CBFA2T3: variants seen among roughly 807,000 people sequenced by gnomAD.
CBFA2T3 encodes the protein transcriptional corepressor CBFA2T3.
A neutral mutation model predicts 58.6 loss-of-function variants in CBFA2T3; 31 were observed. That is an observed-to-expected ratio of 0.53 (90% CI 0.40 to 0.71). The LOEUF is 0.71. CBFA2T3 is among the 30% of genes least tolerant of loss of function. CBFA2T3 has a pLI of 0.00. For missense variants in CBFA2T3, 1,076 were observed against 963.1 expected (o/e 1.12, Z -1.55); for synonymous variants, 531 against 421.9 (o/e 1.26, Z -3.17).
chr16:88,937,346 C>G (rs1971538340), intron 1 of CBFA2T3: 1 of 152,342 alleles, frequency 6.6e-6, no homozygotes, highest in East Asian at 1.9e-4. Flanking sequence ...GTGAGCCTCC[C>G]TCTGAGCTGC....
intron 1 of CBFA2T3, among the ~76,000 whole-genome samples, chr16:88,912,904 G>A (rs1303616129): frequency 6.6e-6 from 1 of 152,238 alleles, no homozygotes; most frequent in Non-Finnish European, 1.5e-5. Flanking sequence ...GGGTGCGTCT[G>A]AGGAATAAGG....
At chr16:88,898,197 C>A (rs1309796472) in intron 2 of CBFA2T3, 45 bp from the exon 3 acceptor site, 1 of 1,475,670 alleles carries the variant, frequency 6.8e-7, no homozygotes, top group Non-Finnish European at 9.4e-7. Flanking sequence ...GGGGCGTGGG[C>A]AGGAGACTCT....
chr16:88,914,338 T>C (rs114756429), intron 1 of CBFA2T3, among the ~76,000 whole-genome samples: 13 of 152,314 alleles, frequency 8.5e-5, no homozygotes, highest in African/African-American at 3.1e-4. Context: ...GTCAGGCCCA[T>C]AGCCGTGTGC....
intron 1 of CBFA2T3, among the ~76,000 whole-genome samples, chr16:88,967,697 G>A (rs1439956789): frequency 2.0e-5 from 3 of 152,168 alleles, no homozygotes; most frequent in South Asian, 2.1e-4. Context: ...CCCGCGACCT[G>A]GCTTCTCCTG....
chr16:88,881,088 A>C, intron 9 of CBFA2T3: 1 of 716,128 alleles, frequency 1.4e-6, no homozygotes, highest in South Asian at 1.5e-5. Flanking sequence ...CCCAGCTCCG[A>C]GCCTCTGGCC....
At chr16:88,888,973 T>C (rs1597673586) in intron 5 of CBFA2T3, among the ~76,000 whole-genome samples, 1 of 151,774 alleles carries the variant, frequency 6.6e-6, no homozygotes, top group East Asian at 2.0e-4. Context: ...TGACCAGACG[T>C]CATGGACAGG....
rs74033226 is a variant in CBFA2T3, at chr16:88,967,986, T to C, written c.151+8671A>G. On this transcript the variant is annotated intron_variant, in intron 1 of 11. Transcript: ENST00000268679. ...ACCATTTTCACACATGTTCAGTTTATAAACTTTTAAGCTTTCTGCATCCTT... is the reference window on the plus strand; with the variant it reads ...ACCATTTTCACACATGTTCAGTTTACAAACTTTTAAGCTTTCTGCATCCTT... 5.5e-3 allele frequency among the ~76,000 whole-genome samples: 835 copies of C among 152,398 alleles called. 8 individuals are homozygous for C. Among genetic ancestry groups the C allele is most frequent in the African/African-American group, 0.019 (806 of 41,596 alleles).
intron 1 of CBFA2T3, among the ~76,000 whole-genome samples, chr16:88,944,456 C>G (rs1971851709): frequency 6.6e-6 from 1 of 152,188 alleles, no homozygotes; most frequent in African/African-American, 2.4e-5. Flanking sequence ...CATGGAAGCC[C>G]TGGGAGACCG....
Position 88,885,777 on chromosome 16 carries a change from G to C in CBFA2T3, c.893+184C>G. The stretch of plus-strand genomic sequence containing the variant: ...GCATCTGAGTCTGCAGCCCACTGGG[G>C]TGTCCGCCCGTGCAGCCACCAAGCC... On this transcript the variant is annotated intron_variant, in intron 6 of 11. Transcript: ENST00000268679. The surrounding 1 kb of genome is among the most constrained non-coding windows in gnomAD (Gnocchi z 5.3). 3.4e-6 allele frequency: 2 copies of C among 596,554 alleles called. No individual in the cohort carries two copies. Among genetic ancestry groups the C allele is most frequent in the South Asian group, 2.0e-5 (1 of 50,264 alleles). 37.0% of individuals were successfully genotyped at this position (596,554 alleles called of 1,614,324 possible). A position where few individuals can be genotyped will look rare whatever the true frequency, so the allele number is the denominator to read the frequency against.
intron 1 of CBFA2T3, among the ~76,000 whole-genome samples, chr16:88,925,269 G>A (rs1426244076): frequency 2.0e-5 from 3 of 152,204 alleles, no homozygotes; most frequent in Admixed American, 6.5e-5. Flanking sequence ...CGGTGCAGCC[G>A]CAGCCGTGGT....
Position 88,958,056 on chromosome 16 carries a change from G to T in CBFA2T3, c.151+18601C>A, listed in dbSNP as rs543488774. Among the ~76,000 whole-genome samples the T allele has an allele frequency of 1.3e-5, 2 of 152,320 alleles. No individual in the cohort carries two copies. Among genetic ancestry groups the T allele is most frequent in the South Asian group, 4.1e-4 (2 of 4,824 alleles). On this transcript the variant is annotated intron_variant, in intron 1 of 11. Transcript: ENST00000268679. The surrounding 1 kb of genome is among the most constrained non-coding windows in gnomAD (Gnocchi z 4.0). ...AGACCCGGAACGAAAGTACCTGTGAGCTGCTCACAATCCCTCGCTCACAGA... is the reference window on the plus strand; with the variant it reads ...AGACCCGGAACGAAAGTACCTGTGATCTGCTCACAATCCCTCGCTCACAGA...
chr16:88,911,329 T>A (rs1369337280), intron 1 of CBFA2T3, among the ~76,000 whole-genome samples: 1 of 152,260 alleles, frequency 6.6e-6, no homozygotes, highest in Non-Finnish European at 1.5e-5. Context: ...CGCGCCGCTG[T>A]GTGAACTGAC....
chr16:88,894,519 A>G (rs895202284), intron 3 of CBFA2T3, among the ~76,000 whole-genome samples: 1 of 126,540 alleles, frequency 7.9e-6, no homozygotes, highest in Non-Finnish European at 1.6e-5. Flanking sequence ...GCACACACAC[A>G]TGCATACATA....
chr16:88,936,259 A>G (rs997854985), intron 1 of CBFA2T3, among the ~76,000 whole-genome samples: 7 of 152,222 alleles, frequency 4.6e-5, no homozygotes, highest in Admixed American at 1.3e-4. Flanking sequence ...GGTATCTCCC[A>G]TCCTGGTCTC....
At chr16:88,932,640 C>A (rs1481066662) in intron 1 of CBFA2T3, among the ~76,000 whole-genome samples, 2 of 150,032 alleles carry the variant, frequency 1.3e-5, no homozygotes, top group East Asian at 2.0e-4. Flanking sequence ...GAGGGAGACC[C>A]CGACTATAAG....
rs551573441 is a variant in CBFA2T3, at chr16:88,885,843, G to C, written c.893+118C>G. The C allele has an allele frequency of 9.8e-6, 9 of 918,136 alleles. No homozygotes were observed. In the Admixed American group the frequency reaches 1.7e-4, roughly 17 times the overall value. The allele number at this position is 918,136 out of a possible 1,614,324, so 56.9% of individuals were successfully genotyped here. ...ACCTCGCCACGCTCCCTCAGCCCGA[G>C]AGAGCCGGCCGGGCTGGCTGCAGCC... On this transcript the variant is annotated intron_variant, in intron 6 of 11. Transcript: ENST00000268679. This position sits in a 1 kb window ranked among gnomAD's most constrained non-coding sequence, Gnocchi z 5.3.
intron 7 of CBFA2T3, 141 bp from the exon 8 acceptor site, chr16:88,882,902 G>A (rs1969186882): frequency 1.5e-6 from 1 of 664,188 alleles, no homozygotes; most frequent in Non-Finnish European, 2.7e-6. Context: ...CGAAGGGCTG[G>A]TTGACTTGGT....
In CBFA2T3 at chr16:88,889,516, G is replaced by A. The variant is rs546122907; in HGVS notation, c.711+2366C>T. ...CCCTGTAAGTGCCCTGGGACGACCA[G>A]GGCGTTTGGAATTTGACAGACCTAG... On this transcript the variant is annotated intron_variant, in intron 5 of 11. Transcript: ENST00000268679. Among the ~76,000 whole-genome samples, 95 of 152,100 alleles carry A rather than the reference G, an allele frequency of 6.2e-4. No homozygotes were observed. The Middle Eastern group carries it at 0.024, about 38-fold the overall frequency.
intron 2 of CBFA2T3, among the ~76,000 whole-genome samples, chr16:88,901,093 CCT>C (rs1467252167): frequency 2.0e-5 from 3 of 152,262 alleles, no homozygotes; most frequent in African/African-American, 7.2e-5. Flanking sequence ...TGCGGAAGCC[CCT>C]GACCCCATCC....
Sources: allele counts gnomAD v4.1 joint callset (sites outside exome capture counted in the v4.1 genomes callset), GRCh38; gene constraint gnomAD v4.1.1; non-coding constraint Gnocchi (gnomAD v3.1); transcripts MANE v1.5; gene names NCBI Gene and HGNC (gene_info 2026-07-23, HGNC 2026-07-21).